Variants in FRMD6 observed in about 807,000 individuals in gnomAD.
The protein encoded by FRMD6 is FERM domain containing 6, also known as FERM domain-containing protein 6.
Under a neutral mutation model 73.2 loss-of-function variants are expected in FRMD6, and 37 were observed. The ratio of observed to expected loss-of-function variants is 0.51; its 90% CI spans 0.39 to 0.66. FRMD6 has a LOEUF of 0.66. Ranked by LOEUF, FRMD6 falls within the 30% of genes least tolerant of loss-of-function variation. The pLI, the probability that FRMD6 is intolerant of heterozygous loss-of-function variation, is 0.00. For missense variants in FRMD6, 714 were observed against 780.5 expected (o/e 0.91, Z 1.02); for synonymous variants, 273 against 282.2 (o/e 0.97, Z 0.33).
At chr14:51,632,137 G>T (rs1950923) in intron 2 of FRMD6, among the ~76,000 whole-genome samples, 115,300 of 152,026 alleles carry the variant, frequency 0.76, 44,101 homozygotes, top group Non-Finnish European at 0.8. Flanking sequence ...TGGTTCTCAT[G>T]CTTCTCCTTT....
chr14:51,685,937 C>T (rs1253714893), intron 1 of FRMD6, among the ~76,000 whole-genome samples: 2 of 152,168 alleles, frequency 1.3e-5, no homozygotes, highest in Non-Finnish European at 2.9e-5. Flanking sequence ...ATCCAGTTTT[C>T]CAAGATAAAT....
At chr14:51,496,827 A>C (rs1455117814) in intron 1 of FRMD6, among the ~76,000 whole-genome samples, 1 of 152,188 alleles carries the variant, frequency 6.6e-6, no homozygotes, top group African/African-American at 2.4e-5. Context: ...TCTCATCTTT[A>C]TGTGTGTCTT....
At chr14:51,694,816 A>C (rs940840691) in intron 2 of FRMD6, among the ~76,000 whole-genome samples, 3 of 152,210 alleles carry the variant, frequency 2.0e-5, no homozygotes, top group Non-Finnish European at 4.4e-5. Context: ...GAACTTGAGA[A>C]ATTTTACAGT....
chr14:51,495,143 A>G (rs553924127), intron 1 of FRMD6, among the ~76,000 whole-genome samples: 10 of 152,240 alleles, frequency 6.6e-5, no homozygotes, highest in Non-Finnish European at 1.5e-4. Context: ...TCCACAAAAC[A>G]CTAAGACAAA....
chr14:51,492,405 ATCTTG>A (rs1366696336), intron 1 of FRMD6, among the ~76,000 whole-genome samples: 1 of 152,000 alleles, frequency 6.6e-6, no homozygotes, highest in African/African-American at 2.4e-5. Context: ...TGTAATGTGG[ATCTTG>A]TCTCACAAGA....
At chr14:51,653,190 T>G (rs1892556187) in intron 1 of FRMD6, among the ~76,000 whole-genome samples, 1 of 146,670 alleles carries the variant, frequency 6.8e-6, no homozygotes, top group East Asian at 1.9e-4. Context: ...AAGTATCTCT[T>G]GCTGGATTTT....
At chr14:51,726,556 T>G (rs1410884429) in intron 13 of FRMD6, among the ~76,000 whole-genome samples, 1 of 152,216 alleles carries the variant, frequency 6.6e-6, no homozygotes, top group Non-Finnish European at 1.5e-5. Flanking sequence ...TTTTTCTCAT[T>G]TGTCTTTTCT....
rs10605746 is a variant in FRMD6 at position 51,660,613 on chromosome 14, GAAAAAA to G, written c.-147+8630_-147+8635del. ...AGAGATGTCAGTGAATAAAATAAAG[GAAAAAA>G]AAAAAAAAAAAATTCTGCCTTCGTG... On this transcript the variant is annotated intron_variant, in intron 1 of 13. Coordinates refer to ENST00000344768, the MANE Select transcript of FRMD6 (RefSeq NM_001267046.2). Among the ~76,000 whole-genome samples the G allele has an allele frequency of 1.1e-4, 15 of 139,566 alleles. No homozygotes were observed. In the Admixed American group the frequency reaches 1.1e-3, roughly 10 times the overall value. The allele number at this position is 139,566 out of a possible 152,430, so 91.6% of individuals were successfully genotyped here. A position where few individuals can be genotyped will look rare whatever the true frequency, so the allele number is the denominator to read the frequency against.
intron 1 of FRMD6, among the ~76,000 whole-genome samples, chr14:51,678,313 A>G (rs1173534894): frequency 6.6e-6 from 1 of 152,138 alleles, no homozygotes; most frequent in Admixed American, 6.6e-5. Context: ...TGCGTCCCAA[A>G]CAGTGTGTCT....
the FRMD6 span, among the ~76,000 whole-genome samples, chr14:51,469,750 C>G: frequency 6.8e-6 from 1 of 146,050 alleles, no homozygotes; most frequent in Non-Finnish European, 1.5e-5. Flanking sequence ...TCCGTGATGT[C>G]TTTGTCAGAT....
chr14:51,556,708 A>T (rs1887154178), intron 1 of FRMD6, among the ~76,000 whole-genome samples: 1 of 152,194 alleles, frequency 6.6e-6, no homozygotes, highest in Non-Finnish European at 1.5e-5. Context: ...TAGGAGGATT[A>T]ATGTACATCC....
chr14:51,683,958 C>T (rs986732159), intron 1 of FRMD6, among the ~76,000 whole-genome samples: 2 of 152,086 alleles, frequency 1.3e-5, no homozygotes, highest in African/African-American at 2.4e-5. Context: ...AGGAAAGAGA[C>T]GGCAACAAAG....
chr14:51,422,921 C>G, the FRMD6 span, among the ~76,000 whole-genome samples: 1 of 152,174 alleles, frequency 6.6e-6, no homozygotes, highest in African/African-American at 2.4e-5. Flanking sequence ...TTTGCCTTGA[C>G]CAATGAGATG....
intron 2 of FRMD6, among the ~76,000 whole-genome samples, chr14:51,638,322 CTGAG>C (rs1163384751): frequency 6.6e-6 from 1 of 152,080 alleles, no homozygotes; most frequent in Non-Finnish European, 1.5e-5. Context: ...GGGTAATAAG[CTGAG>C]TGAGAGCGGA....
chr14:51,436,141 A>G, the FRMD6 span: 24 of 254,512 alleles, frequency 9.4e-5, no homozygotes, highest in South Asian at 1.1e-3. Context: ...GGCTTACTGA[A>G]GAAGGGAGAA....
chr14:51,608,110 G>A (rs564458780), intron 2 of FRMD6, among the ~76,000 whole-genome samples: 1 of 152,338 alleles, frequency 6.6e-6, no homozygotes, highest in East Asian at 1.9e-4. Flanking sequence ...AGGAGACTGC[G>A]GTGATTTGGG....
intron 6 of FRMD6, among the ~76,000 whole-genome samples, chr14:51,706,454 ACT>A (rs1896627039): frequency 6.7e-6 from 1 of 149,722 alleles, no homozygotes; most frequent in African/African-American, 2.5e-5. Context: ...TAACCTAGAA[ACT>A]CTCCAGATTA....
chr14:51,420,196 CAA>C, the FRMD6 span, among the ~76,000 whole-genome samples: 1 of 152,150 alleles, frequency 6.6e-6, no homozygotes. Flanking sequence ...CTGCATGGAA[CAA>C]AGACTGTATA....
the FRMD6 span, among the ~76,000 whole-genome samples, chr14:51,417,714 G>A: frequency 6.6e-6 from 1 of 152,300 alleles, no homozygotes; most frequent in Middle Eastern, 3.4e-3. Context: ...CTAGGTAGGG[G>A]AAGTTCTCCT....
Sources: allele counts gnomAD v4.1 joint callset (sites outside exome capture counted in the v4.1 genomes callset), GRCh38; gene constraint gnomAD v4.1.1; transcripts MANE v1.5; gene names NCBI Gene and HGNC (gene_info 2026-07-23, HGNC 2026-07-21).